ZNF98: variants seen among roughly 807,000 people sequenced by gnomAD.
ZNF98 encodes the protein zinc finger protein 98, also known as zinc finger protein 739.
ZNF98 carries 8 observed loss-of-function variants against 12.8 expected under a neutral mutation model. That is an observed-to-expected ratio of 0.63 (90% CI 0.37 to 1.13). The LOEUF (loss-of-function observed/expected upper bound fraction) is 1.13, where lower values mean the gene tolerates loss of function less well. Ranked by LOEUF, ZNF98 falls within the 50% of genes most tolerant of loss-of-function variation. ZNF98 has a pLI of 0.01. For missense variants in ZNF98, 379 were observed against 666.1 expected (o/e 0.57, Z 4.74); for synonymous variants, 112 against 223.5 (o/e 0.50, Z 4.45).
At chr19:22,397,560 ACTTT>A (rs1199649158) in intron 3 of ZNF98, among the ~76,000 whole-genome samples, 11 of 151,566 alleles carry the variant, frequency 7.3e-5, no homozygotes, top group Non-Finnish European at 8.8e-5. Flanking sequence ...TTTATAAATT[ACTTT>A]CTATCACCAA....
intron 3 of ZNF98, among the ~76,000 whole-genome samples, chr19:22,397,536 T>C (rs1357127845): frequency 6.6e-6 from 1 of 151,848 alleles, no homozygotes; most frequent in Non-Finnish European, 1.5e-5. Context: ...TACCAGTTTT[T>C]TTAAAACTGA....
chr19:22,395,496 G>A (rs1381363798), intron 3 of ZNF98, among the ~76,000 whole-genome samples: 4 of 151,618 alleles, frequency 2.6e-5, no homozygotes, highest in Admixed American at 2.6e-4. Context: ...CTAATAAGTT[G>A]AATAATATCC....
At chr19:22,413,733 G>A (rs1170039506) in intron 1 of ZNF98, among the ~76,000 whole-genome samples, 1 of 151,888 alleles carries the variant, frequency 6.6e-6, no homozygotes, top group Non-Finnish European at 1.5e-5. Flanking sequence ...AGCCAGGGTG[G>A]TGGCGCATGC....
At chr19:22,411,669 A>G (rs1167192997) in intron 1 of ZNF98, among the ~76,000 whole-genome samples, 1 of 152,258 alleles carries the variant, frequency 6.6e-6, no homozygotes, top group Non-Finnish European at 1.5e-5. Context: ...ATATATTTCA[A>G]AAAAGCAGAG....
intron 1 of ZNF98, among the ~76,000 whole-genome samples, chr19:22,410,839 C>G (rs1158151418): frequency 6.6e-6 from 1 of 152,068 alleles, no homozygotes; most frequent in Non-Finnish European, 1.5e-5. Context: ...TGTTGCTCCC[C>G]CTAGGCTCAT....
At chr19:22,408,051 C>T (rs1176370239) in intron 1 of ZNF98, among the ~76,000 whole-genome samples, 6 of 151,978 alleles carry the variant, frequency 3.9e-5, no homozygotes, top group South Asian at 2.1e-4. Context: ...ACAACAAGTG[C>T]GAAACTCTGT....
intron 1 of ZNF98, among the ~76,000 whole-genome samples, chr19:22,408,632 A>G (rs1599388350): frequency 6.6e-6 from 1 of 152,228 alleles, no homozygotes; most frequent in East Asian, 1.9e-4. Context: ...AATCACATGC[A>G]TTCCTATAAG....
chr19:22,411,739 C>G (rs1372308822), intron 1 of ZNF98, among the ~76,000 whole-genome samples: 1 of 152,132 alleles, frequency 6.6e-6, no homozygotes, highest in Non-Finnish European at 1.5e-5. Context: ...AAATATCCTC[C>G]CTTATTTTCA....
intron 1 of ZNF98, among the ~76,000 whole-genome samples, chr19:22,408,049 T>C (rs1434618322): frequency 1.3e-5 from 2 of 152,008 alleles, no homozygotes; most frequent in African/African-American, 4.8e-5. Context: ...GGACAACAAG[T>C]GCGAAACTCT....
chr19:22,402,195 A>T (rs1969466967), intron 3 of ZNF98, among the ~76,000 whole-genome samples: 1 of 138,340 alleles, frequency 7.2e-6, no homozygotes, highest in African/African-American at 2.7e-5. Context: ...AAAAAAAAAA[A>T]GAAAGAGAAA....
At chr19:22,397,159 C>T (rs1306245173) in intron 3 of ZNF98, among the ~76,000 whole-genome samples, 1 of 151,320 alleles carries the variant, frequency 6.6e-6, no homozygotes, top group Non-Finnish European at 1.5e-5. Flanking sequence ...GATTTACTCA[C>T]TGGGAACCTA....
At chr19:22,405,638 C>G (rs1227807882) in intron 1 of ZNF98, among the ~76,000 whole-genome samples, 2 of 152,212 alleles carry the variant, frequency 1.3e-5, no homozygotes, top group East Asian at 3.9e-4. Context: ...CCTAGGGTCC[C>G]AACCCCAGAG....
chr19:22,405,615 C>CA (rs1436776061), intron 1 of ZNF98, among the ~76,000 whole-genome samples: 1 of 152,202 alleles, frequency 6.6e-6, no homozygotes, highest in Non-Finnish European at 1.5e-5. Flanking sequence ...CTCGTGAACC[C>CA]ATGCCACAGG....
At chr19:22,406,906 G>C (rs1344280011) in intron 1 of ZNF98, among the ~76,000 whole-genome samples, 1 of 152,100 alleles carries the variant, frequency 6.6e-6, no homozygotes, top group Non-Finnish European at 1.5e-5. Context: ...TCCAGCAAGG[G>C]TGCAGAACTG....
intron 1 of ZNF98, among the ~76,000 whole-genome samples, chr19:22,417,876 C>CA (rs920879421): frequency 1.8e-4 from 28 of 152,154 alleles, no homozygotes; most frequent in African/African-American, 5.8e-4. Context: ...GGTCTGCTGT[C>CA]AGAGTTTCTT....
At chr19:22,406,613 C>T (rs541230089) in intron 1 of ZNF98, among the ~76,000 whole-genome samples, 99 of 152,010 alleles carry the variant, frequency 6.5e-4, no homozygotes, top group African/African-American at 2.2e-3. Context: ...GTCAAGAAAT[C>T]GAGACCATCC....
At position 22,391,300 on chromosome 19, in the gene ZNF98, A is replaced by G. The variant is rs1969318729; in HGVS notation, c.*216T>C. 2.1e-6 allele frequency: 2 copies of G among 964,332 alleles called. No homozygotes were observed. The highest frequency in any genetic ancestry group is 2.0e-5 in the South Asian group (1 of 49,068). The allele number at this position is 964,332 out of a possible 1,614,324, so 59.7% of individuals were successfully genotyped here. A position where few individuals can be genotyped will look rare whatever the true frequency, so the allele number is the denominator to read the frequency against. On this transcript the variant is annotated 3_prime_UTR_variant, in exon 4 of 4. Coordinates refer to ENST00000357774, the MANE Select transcript of ZNF98 (RefSeq NM_001098626.2). The stretch of plus-strand genomic sequence containing the variant: ...TTAAGTATAAATTCTCTGATGCTGA[A>G]TAAGATGTGTGCAGATATTAATCAC...
rs1342118440 is a variant in ZNF98 at position 22,391,438 on chromosome 19, G to T, written c.*78C>A. 125 of 1,500,960 alleles carry T rather than the reference G, an allele frequency of 8.3e-5. No individual in the cohort carries two copies. Among genetic ancestry groups the T allele is most frequent in the Non-Finnish European group, 1.1e-4 (121 of 1,125,856 alleles). The allele number at this position is 1,500,960 out of a possible 1,614,324, so 93.0% of individuals were successfully genotyped here. A position where few individuals can be genotyped will look rare whatever the true frequency, so the allele number is the denominator to read the frequency against. ...TGCCACACTGTTCACACTTGTAGAA[G>T]TTTTCTCCAGAATGAATTACCTTAC... On this transcript the variant is annotated 3_prime_UTR_variant, in exon 4 of 4. Coordinates refer to ENST00000357774, the MANE Select transcript of ZNF98 (RefSeq NM_001098626.2).
intron 3 of ZNF98, among the ~76,000 whole-genome samples, chr19:22,394,361 A>G (rs982879683): frequency 2.6e-5 from 4 of 152,126 alleles, no homozygotes; most frequent in African/African-American, 2.4e-5. Flanking sequence ...ATTATAAATC[A>G]TGCTACTATA....
Sources: allele counts gnomAD v4.1 joint callset (sites outside exome capture counted in the v4.1 genomes callset), GRCh38; gene constraint gnomAD v4.1.1; transcripts MANE v1.5; gene names NCBI Gene and HGNC (gene_info 2026-07-23, HGNC 2026-07-21).